EXOC4: variants seen among roughly 807,000 people sequenced by gnomAD.
EXOC4 encodes the protein exocyst complex component 4.
EXOC4 carries 71 observed loss-of-function variants against 107.2 expected under a neutral mutation model. The observed-to-expected ratio is 0.66, with a 90% CI of 0.55 to 0.81. The LOEUF is 0.81. Ranked by LOEUF, EXOC4 falls within the 30% of genes least tolerant of loss-of-function variation. The pLI is 0.00. For synonymous variants in EXOC4, 456 were observed against 441.2 expected (o/e 1.03, Z -0.42); for missense variants, 1,108 against 1,189.6 (o/e 0.93, Z 1.01).
intron 14 of EXOC4, among the ~76,000 whole-genome samples, chr7:133,986,911 G>T (rs900731411): frequency 6.6e-5 from 10 of 152,090 alleles, no homozygotes; most frequent in Admixed American, 4.6e-4. Flanking sequence ...TATCCCTTAG[G>T]CATTTAAGGA....
chr7:134,040,810 TC>T (rs1367928105), intron 17 of EXOC4, among the ~76,000 whole-genome samples: 1 of 152,238 alleles, frequency 6.6e-6, no homozygotes, highest in Non-Finnish European at 1.5e-5. Context: ...GGATGATCCT[TC>T]TAAAGGATAG....
intron 7 of EXOC4, among the ~76,000 whole-genome samples, chr7:133,461,255 C>T (rs933909269): frequency 6.6e-6 from 1 of 152,158 alleles, no homozygotes; most frequent in African/African-American, 2.4e-5. Flanking sequence ...CTGTATTTGT[C>T]TCTGCATTCT....
chr7:133,447,554 A>G (rs979162157), intron 7 of EXOC4, among the ~76,000 whole-genome samples: 14 of 152,096 alleles, frequency 9.2e-5, no homozygotes, highest in African/African-American at 3.4e-4. Flanking sequence ...ATTAAAAATT[A>G]TAAAATTTTC....
intron 10 of EXOC4, among the ~76,000 whole-genome samples, chr7:133,737,038 T>TA (rs1377570897): frequency 6.6e-6 from 1 of 152,250 alleles, no homozygotes; most frequent in East Asian, 1.9e-4. Context: ...AGTTATTATC[T>TA]AAAACCTATA....
chr7:133,754,206 G>T (rs147182982), intron 10 of EXOC4, among the ~76,000 whole-genome samples: 3 of 152,278 alleles, frequency 2.0e-5, no homozygotes, highest in African/African-American at 7.2e-5. Flanking sequence ...GAGGGAGAAG[G>T]CCACGGTGAT....
In EXOC4 at chr7:133,895,487, T is replaced by G. The variant is rs1224350558; in HGVS notation, c.1735-112T>G. ...GAGTTCATATTTCAAAATGTCACATTCTTGCAGGAGAGCTCAGGTACCTTA... is the reference window on the plus strand; with the variant it reads ...GAGTTCATATTTCAAAATGTCACATGCTTGCAGGAGAGCTCAGGTACCTTA... On this transcript the variant is annotated intron_variant, in intron 11 of 17. Transcript: ENST00000253861. 5 of 1,097,224 alleles carry G rather than the reference T, an allele frequency of 4.6e-6. No homozygotes were observed. In the African/African-American group the frequency reaches 6.3e-5, roughly 14 times the overall value. The allele number at this position is 1,097,224 out of a possible 1,614,324, so 68.0% of individuals were successfully genotyped here.
At chr7:133,570,171 A>G (rs899921047) in intron 9 of EXOC4, among the ~76,000 whole-genome samples, 1 of 152,176 alleles carries the variant, frequency 6.6e-6, no homozygotes, top group Non-Finnish European at 1.5e-5. Context: ...GTCAATATAT[A>G]ATGTATAATA....
chr7:133,709,478 T>C (rs1449019666), intron 10 of EXOC4, among the ~76,000 whole-genome samples: 2 of 152,130 alleles, frequency 1.3e-5, no homozygotes, highest in Non-Finnish European at 2.9e-5. Flanking sequence ...TAGATTAAGG[T>C]TTTGAATACA....
At chr7:133,900,491 A>G (rs975084395) in intron 12 of EXOC4, among the ~76,000 whole-genome samples, 1 of 152,224 alleles carries the variant, frequency 6.6e-6, no homozygotes, top group African/African-American at 2.4e-5. Flanking sequence ...AGGATCGCGA[A>G]TGTCAGACTC....
chr7:133,447,232 G>A (rs529151060), intron 7 of EXOC4: 9 of 152,170 alleles, frequency 5.9e-5, no homozygotes, highest in African/African-American at 2.2e-4. Context: ...AAACATCAGT[G>A]TTAATCCTTT....
intron 12 of EXOC4, among the ~76,000 whole-genome samples, chr7:133,899,375 TC>T (rs1462985401): frequency 6.6e-6 from 1 of 152,230 alleles, no homozygotes; most frequent in Non-Finnish European, 1.5e-5. Context: ...TCATTTATGT[TC>T]CTGCCTCTCA....
chr7:133,586,106 T>C lies in EXOC4; in HGVS notation c.1418-43939T>C, dbSNP rs551301701. ...AATTTTATTTTTTTAAATTTTAGAT[T>C]CAGGGGTACATATACAGGTTTGTTA... On this transcript the variant is annotated intron_variant, in intron 9 of 17. Transcript: ENST00000253861. Among the ~76,000 whole-genome samples, 10 of 149,808 alleles carry C rather than the reference T, an allele frequency of 6.7e-5. No individual in the cohort carries two copies. In the South Asian group the frequency reaches 1.7e-3, roughly 25 times the overall value.
At position 134,064,581 on chromosome 7, in the gene EXOC4, T is replaced by TC. The variant is rs386360180; in HGVS notation, c.*55dup. 8 of 1,257,654 alleles carry TC rather than the reference T, an allele frequency of 6.4e-6. No individual in the cohort carries two copies. Among genetic ancestry groups the TC allele is most frequent in the Admixed American group, 2.0e-5 (1 of 49,128 alleles). The allele number at this position is 1,257,654 out of a possible 1,614,324, so 77.9% of individuals were successfully genotyped here. A position where few individuals can be genotyped will look rare whatever the true frequency, so the allele number is the denominator to read the frequency against. On this transcript the variant is annotated 3_prime_UTR_variant, in exon 18 of 18. Coordinates refer to ENST00000253861, the MANE Select transcript of EXOC4 (RefSeq NM_021807.4). ...GTCCCCTCAGTCACACTCACTTTTTTCCTTGGTATGTTATTGAGTATATTC... is the reference window on the plus strand; with the variant it reads ...GTCCCCTCAGTCACACTCACTTTTTTCCCTTGGTATGTTATTGAGTATATTC...
At chr7:133,944,854 A>C (rs937033678) in intron 14 of EXOC4, among the ~76,000 whole-genome samples, 3 of 152,178 alleles carry the variant, frequency 2.0e-5, no homozygotes, top group African/African-American at 7.2e-5. Flanking sequence ...CATGTGCTAA[A>C]CATCCCTTAA....
At chr7:133,774,580 A>G (rs1201854799) in intron 10 of EXOC4, among the ~76,000 whole-genome samples, 2 of 152,172 alleles carry the variant, frequency 1.3e-5, no homozygotes, top group Non-Finnish European at 2.9e-5. Flanking sequence ...GATGTGAAGC[A>G]TAGAAAGTTC....
chr7:133,340,357 A>C (rs1430141377), intron 5 of EXOC4, among the ~76,000 whole-genome samples: 1 of 150,014 alleles, frequency 6.7e-6, no homozygotes. Flanking sequence ...CCTTCTGTGA[A>C]GCCCACTTGA....
chr7:133,482,296 C>T (rs1302476986), intron 9 of EXOC4, among the ~76,000 whole-genome samples: 3 of 152,252 alleles, frequency 2.0e-5, no homozygotes, highest in South Asian at 4.1e-4. Context: ...CCTCCAGTGT[C>T]GACATCCGTC....
intron 9 of EXOC4, among the ~76,000 whole-genome samples, chr7:133,597,007 A>G (rs115210379): frequency 6.6e-6 from 1 of 152,098 alleles, no homozygotes; most frequent in African/African-American, 2.4e-5. Context: ...TTGACAGCCA[A>G]ATTTTTAGTT....
intron 7 of EXOC4, among the ~76,000 whole-genome samples, chr7:133,431,195 A>G (rs1301213840): frequency 2.0e-5 from 3 of 152,214 alleles, no homozygotes; most frequent in East Asian, 1.9e-4. Flanking sequence ...CCTGAACTTC[A>G]TGGTCCATTG....
Sources: gnomAD v4.1 joint callset for allele counts (sites outside exome capture counted in the v4.1 genomes callset) on GRCh38, gnomAD v4.1.1 for gene constraint, MANE v1.5 for transcripts, NCBI Gene and HGNC (gene_info 2026-07-23, HGNC 2026-07-21) for gene names.